Variants in TEAD4 observed in about 807,000 individuals in gnomAD.
TEAD4 encodes the protein TEA domain transcription factor 4, also known as transcriptional enhancer factor TEF-3.
TEAD4 carries 36 observed loss-of-function variants against 52.4 expected under a neutral mutation model. The observed-to-expected ratio is 0.69, with a 90% confidence interval of 0.53 to 0.91. The LOEUF is 0.91. Among genes scored for constraint, TEAD4 ranks in the 40% least tolerant of loss-of-function variants. The pLI, the probability that TEAD4 is intolerant of heterozygous loss-of-function variation, is 0.00. For synonymous variants in TEAD4, 220 were observed against 231.0 expected (o/e 0.95, Z 0.43); for missense variants, 508 against 583.9 (o/e 0.87, Z 1.34).
intron 10 of TEAD4, among the ~76,000 whole-genome samples, chr12:3,031,101 A>C (rs1264372620): frequency 6.6e-6 from 1 of 152,122 alleles, no homozygotes; most frequent in Non-Finnish European, 1.5e-5. Flanking sequence ...GGCTTAAATC[A>C]TCTCCCAGTC....
At chr12:2,966,097 G>A (rs540972805) in intron 2 of TEAD4, among the ~76,000 whole-genome samples, 78 of 152,272 alleles carry the variant, frequency 5.1e-4, no homozygotes, top group African/African-American at 1.8e-3. Flanking sequence ...GCCAACCTGG[G>A]TTCACTCTAC....
At chr12:3,012,338 T>C in intron 5 of TEAD4, 106 bp downstream of exon 5, 2 of 1,279,206 alleles carry the variant, frequency 1.6e-6, no homozygotes, top group South Asian at 1.4e-5. Flanking sequence ...GTCAGTGTGC[T>C]TTTCTCTCTG....
chr12:2,964,815 T>TG (rs1319247980), intron 2 of TEAD4, among the ~76,000 whole-genome samples: 3 of 151,878 alleles, frequency 2.0e-5, no homozygotes, highest in Non-Finnish European at 2.9e-5. Flanking sequence ...AGACAGTGGG[T>TG]GGAACGTTCT....
At chr12:2,989,169 G>A (rs1042722815) in intron 2 of TEAD4, among the ~76,000 whole-genome samples, 1 of 152,080 alleles carries the variant, frequency 6.6e-6, no homozygotes, top group African/African-American at 2.4e-5. Flanking sequence ...GGATCTCCTG[G>A]CTTCAAGCAA....
intron 5 of TEAD4, among the ~76,000 whole-genome samples, chr12:3,016,012 T>G (rs1294013292): frequency 6.6e-6 from 1 of 151,564 alleles, no homozygotes; most frequent in Non-Finnish European, 1.5e-5. Context: ...TCTGAAAAAA[T>G]AATAATCATC....
At position 2,961,878 on chromosome 12, in the gene TEAD4, G is replaced by C. The variant is rs893439735; in HGVS notation, c.-30+1838G>C. Among the ~76,000 whole-genome samples, 3 of 152,126 alleles carry C rather than the reference G, an allele frequency of 2.0e-5. No homozygotes were observed. In the South Asian group the frequency reaches 6.2e-4, roughly 32 times the overall value. On this transcript the variant is annotated intron_variant, in intron 2 of 12. Coordinates refer to ENST00000359864, the MANE Select transcript of TEAD4 (RefSeq NM_003213.4). Reference sequence around the variant, plus strand: ...CATGTTTATTTAGCAAACATGAATCGAGCATTTACTGTGAGCCAGGCCCTA... The same window carrying C: ...CATGTTTATTTAGCAAACATGAATCCAGCATTTACTGTGAGCCAGGCCCTA...
intron 5 of TEAD4, among the ~76,000 whole-genome samples, chr12:3,014,239 C>T (rs1299225299): frequency 1.3e-5 from 2 of 152,178 alleles, no homozygotes; most frequent in African/African-American, 4.8e-5. Flanking sequence ...TCACCGGGAC[C>T]CTGCAGATGA....
intron 2 of TEAD4, among the ~76,000 whole-genome samples, chr12:2,964,669 T>A (rs1175889359): frequency 1.3e-5 from 2 of 150,058 alleles, no homozygotes; most frequent in East Asian, 3.9e-4. Context: ...ACAGGGTATT[T>A]CCATGTTGGC....
Position 3,020,764 on chromosome 12 carries a change from C to A in TEAD4, c.714C>A (p.Asp238Glu). 1 of 1,605,836 alleles carries A rather than the reference C, an allele frequency of 6.2e-7. No homozygotes were observed. The highest frequency in any genetic ancestry group is 8.5e-7 in the Non-Finnish European group (1 of 1,175,890). Reference sequence around the variant, plus strand: ...CTGCCTTCCTGGAGCAGCAGCAGGACCCGGACACGGTAGGTCCTGGCCTCT... The same window carrying A: ...CTGCCTTCCTGGAGCAGCAGCAGGAACCGGACACGGTAGGTCCTGGCCTCT... Residue 238 changes from aspartate to glutamate, a missense_variant, in exon 9 of 13, where the codon GAC (aspartate) becomes GAA (glutamate). Coordinates refer to ENST00000359864, the MANE Select transcript of TEAD4 (RefSeq NM_003213.4).
chr12:3,037,912 C>T (rs1276403213), intron 10 of TEAD4, 56 bp from the exon 11 acceptor site: 3 of 1,573,672 alleles, frequency 1.9e-6, no homozygotes, highest in African/African-American at 1.4e-5. Context: ...CCTTGATGCT[C>T]CCGTCTGACA....
At chr12:3,028,640 C>CTT (rs904061573) in intron 10 of TEAD4, among the ~76,000 whole-genome samples, 2 of 148,842 alleles carry the variant, frequency 1.3e-5, no homozygotes, top group South Asian at 4.3e-4. Context: ...GTCCATTGCC[C>CTT]TTTTTTTTTT....
chr12:3,027,684 T>C (rs1565550455), intron 10 of TEAD4, among the ~76,000 whole-genome samples: 1 of 152,156 alleles, frequency 6.6e-6, no homozygotes. Flanking sequence ...TTGGCCAACA[T>C]GGCAAAACCC....
At chr12:3,016,025 A>T (rs2098264237) in intron 5 of TEAD4, among the ~76,000 whole-genome samples, 1 of 151,616 alleles carries the variant, frequency 6.6e-6, no homozygotes, top group Admixed American at 6.6e-5. Context: ...TAATCATCAT[A>T]AAGATATTTA....
chr12:2,994,649 C>G lies in TEAD4; in HGVS notation c.-29-89C>G. On this transcript the variant is annotated intron_variant, in intron 2 of 12. Transcript: ENST00000359864. The surrounding 1 kb of genome is among the most constrained non-coding windows in gnomAD (Gnocchi z 4.7). ...CGCTTTGCTTCCTGAGCAACTGATT[C>G]GGGCTCTGGCACTCCCCGGAGTGCC... 7.0e-7 allele frequency: 1 copy of G among 1,436,884 alleles called. No homozygotes were observed. The highest frequency in any genetic ancestry group is 2.5e-5 in the East Asian group (1 of 40,338). The allele number at this position is 1,436,884 out of a possible 1,614,324, so 89.0% of individuals were successfully genotyped here.
At chr12:3,019,327 CT>C (rs2098266967) in intron 8 of TEAD4, among the ~76,000 whole-genome samples, 157 bp downstream of exon 8, 1 of 152,230 alleles carries the variant, frequency 6.6e-6, no homozygotes, top group Non-Finnish European at 1.5e-5. Context: ...CACCCCATTC[CT>C]TTCCCCCAGC....
intron 10 of TEAD4, among the ~76,000 whole-genome samples, chr12:3,033,185 C>T (rs2098276895): frequency 6.6e-6 from 1 of 152,188 alleles, no homozygotes; most frequent in Non-Finnish European, 1.5e-5. Context: ...GTCCAGCCTC[C>T]CTGCCTGTCC....
At chr12:2,985,507 T>C (rs1243212142) in intron 2 of TEAD4, among the ~76,000 whole-genome samples, 2 of 130,410 alleles carry the variant, frequency 1.5e-5, no homozygotes, top group Non-Finnish European at 3.3e-5. Flanking sequence ...AAATCTTTTT[T>C]TTTTTTTTTT....
rs185270497 is a variant in TEAD4 at position 3,033,944 on chromosome 12, G to A, written c.898-4024G>A. 5.4e-5 allele frequency among the ~76,000 whole-genome samples: 8 copies of A among 148,172 alleles called. No homozygotes were observed. The East Asian group carries it at 9.7e-4, about 18-fold the overall frequency. On this transcript the variant is annotated intron_variant, in intron 10 of 12. Transcript: ENST00000359864. ...AGGATCCAGGCACTGAGGACGAGTC[G>A]AGGTGCTCTGGGGCGGTTCGTCCGT...
At chr12:2,989,710 G>A (rs552317983) in intron 2 of TEAD4, among the ~76,000 whole-genome samples, 3 of 152,312 alleles carry the variant, frequency 2.0e-5, no homozygotes, top group Non-Finnish European at 4.4e-5. Context: ...AAAGTGCTGG[G>A]ATTACAGGCA....
Sources: gnomAD v4.1 joint callset for allele counts (sites outside exome capture counted in the v4.1 genomes callset) on GRCh38, gnomAD v4.1.1 for gene constraint, Gnocchi (gnomAD v3.1) non-coding constraint, MANE v1.5 for transcripts, NCBI Gene and HGNC (gene_info 2026-07-23, HGNC 2026-07-21) for gene names.